Variants in ARL15 observed in about 807,000 individuals in gnomAD.
ARL15 encodes ADP-ribosylation factor-like protein 15.
Under a neutral mutation model 25.2 loss-of-function variants are expected in ARL15, and 19 were observed. The ratio of observed to expected loss-of-function variants is 0.75; its 90% CI spans 0.53 to 1.10. The LOEUF (loss-of-function observed/expected upper bound fraction) is 1.10, where lower values mean the gene tolerates loss of function less well. ARL15 is among the 50% of genes least tolerant of loss of function. The pLI, the probability that ARL15 is intolerant of heterozygous loss-of-function variation, is 0.00. For synonymous variants in ARL15, 94 were observed against 86.8 expected (o/e 1.08, Z -0.46); for missense variants, 220 against 246.0 (o/e 0.89, Z 0.71).
At chr5:54,278,404 T>A (rs1757975390) in intron 1 of ARL15, among the ~76,000 whole-genome samples, 1 of 152,210 alleles carries the variant, frequency 6.6e-6, no homozygotes, top group South Asian at 2.1e-4. Context: ...TTACGTCCCC[T>A]CCTTCCTCCT....
At chr5:53,946,526 A>C (rs1746740403) in intron 4 of ARL15, among the ~76,000 whole-genome samples, 1 of 152,034 alleles carries the variant, frequency 6.6e-6, no homozygotes, top group African/African-American at 2.4e-5. Flanking sequence ...AATGGAATAA[A>C]CTTAAAATCG....
intron 4 of ARL15, among the ~76,000 whole-genome samples, chr5:53,997,111 C>T (rs1219638759): frequency 1.3e-5 from 2 of 152,106 alleles, no homozygotes; most frequent in Admixed American, 6.5e-5. Context: ...AAATGCAATT[C>T]GTTTGCTGAA....
intron 3 of ARL15, among the ~76,000 whole-genome samples, chr5:54,142,679 G>A (rs977534342): frequency 2.0e-5 from 3 of 151,906 alleles, no homozygotes; most frequent in East Asian, 1.9e-4. Flanking sequence ...GGAGGCCAAC[G>A]TGTTCCATGC....
intron 1 of ARL15, among the ~76,000 whole-genome samples, chr5:54,263,536 T>C (rs2112627498): frequency 6.6e-6 from 1 of 152,272 alleles, no homozygotes; most frequent in East Asian, 1.9e-4. Flanking sequence ...TCCCAGCCCA[T>C]TATTGTCTAT....
At position 54,025,295 on chromosome 5, in the gene ARL15, A is replaced by AC. The variant is rs1328124788; in HGVS notation, c.462+87906_462+87907insG. ...CAGAGAGACAAAGGGACCAAAAAAA[A>AC]AAAAAAAAAAAAGCAAACAACAGTC... On this transcript the variant is annotated intron_variant, in intron 4 of 4. Coordinates refer to ENST00000504924, the MANE Select transcript of ARL15 (RefSeq NM_019087.3). 5.0e-4 allele frequency among the ~76,000 whole-genome samples: 75 copies of AC among 151,144 alleles called. No homozygotes were observed. The South Asian group carries it at 0.012, about 24-fold the overall frequency.
chr5:54,130,187 A>G (rs1400535413), intron 3 of ARL15, among the ~76,000 whole-genome samples: 2 of 152,210 alleles, frequency 1.3e-5, no homozygotes, highest in African/African-American at 4.8e-5. Context: ...GCAGCGAGCC[A>G]TGACTGCACC....
At chr5:54,227,285 C>T (rs1344033035) in intron 1 of ARL15, among the ~76,000 whole-genome samples, 1 of 152,196 alleles carries the variant, frequency 6.6e-6, no homozygotes, top group Non-Finnish European at 1.5e-5. Flanking sequence ...AGGATCCCTA[C>T]ACAGCTTGCT....
At chr5:54,224,803 T>A (rs1030137412) in intron 1 of ARL15, among the ~76,000 whole-genome samples, 6 of 151,998 alleles carry the variant, frequency 3.9e-5, no homozygotes, top group Non-Finnish European at 7.4e-5. Context: ...GCCAATGTTT[T>A]AAAAAAAATA....
chr5:54,224,187 T>A (rs1222227834), intron 1 of ARL15, among the ~76,000 whole-genome samples: 1 of 152,128 alleles, frequency 6.6e-6, no homozygotes, highest in Non-Finnish European at 1.5e-5. Flanking sequence ...CCAGAGGATA[T>A]GTGGGCTGAA....
At chr5:54,100,180 T>C (rs1014425279) in intron 4 of ARL15, among the ~76,000 whole-genome samples, 1 of 152,122 alleles carries the variant, frequency 6.6e-6, no homozygotes, top group African/African-American at 2.4e-5. Flanking sequence ...ACATATAAAT[T>C]TTTATCACAC....
intron 4 of ARL15, among the ~76,000 whole-genome samples, chr5:53,887,801 G>GA (rs559013995): frequency 1.3e-5 from 2 of 151,838 alleles, no homozygotes; most frequent in Non-Finnish European, 2.9e-5. Flanking sequence ...ACTTGACCTA[G>GA]AAAAAAAAGT....
chr5:54,032,870 T>C (rs1216723281), intron 4 of ARL15, among the ~76,000 whole-genome samples: 2 of 152,184 alleles, frequency 1.3e-5, no homozygotes. Flanking sequence ...TTAATTGTAA[T>C]CTATTTCCTG....
intron 1 of ARL15, among the ~76,000 whole-genome samples, chr5:54,216,652 C>G (rs1302333228): frequency 2.0e-5 from 3 of 152,122 alleles, no homozygotes; most frequent in African/African-American, 7.2e-5. Context: ...CACACACACA[C>G]ACCTAATTAA....
At chr5:54,200,817 A>T (rs1288152615) in intron 1 of ARL15, among the ~76,000 whole-genome samples, 3 of 152,194 alleles carry the variant, frequency 2.0e-5, no homozygotes, top group Non-Finnish European at 4.4e-5. Context: ...ATACTCTATC[A>T]CAGATAGGCG....
intron 4 of ARL15, among the ~76,000 whole-genome samples, chr5:54,044,259 T>G (rs1273571292): frequency 6.7e-6 from 1 of 148,450 alleles, no homozygotes; most frequent in Non-Finnish European, 1.5e-5. Flanking sequence ...TTTTTTTTTT[T>G]TTGAGACAGA....
At chr5:54,222,692 A>G (rs900813882) in intron 1 of ARL15, among the ~76,000 whole-genome samples, 4 of 152,214 alleles carry the variant, frequency 2.6e-5, no homozygotes, top group African/African-American at 9.6e-5. Flanking sequence ...TGATCTTCCC[A>G]GGGTGGAGGA....
intron 1 of ARL15, among the ~76,000 whole-genome samples, chr5:54,303,309 G>A (rs1220569665): frequency 6.6e-6 from 1 of 152,108 alleles, no homozygotes; most frequent in East Asian, 1.9e-4. Context: ...ATCATTTGAG[G>A]TCAGGAGATT....
chr5:54,078,793 A>T (rs1188637288), intron 4 of ARL15, among the ~76,000 whole-genome samples: 1 of 152,202 alleles, frequency 6.6e-6, no homozygotes, highest in Non-Finnish European at 1.5e-5. Context: ...ATATAAGCTA[A>T]CTCACTATCC....
intron 4 of ARL15, among the ~76,000 whole-genome samples, chr5:53,968,323 T>A (rs1327361111): frequency 6.6e-6 from 1 of 152,156 alleles, no homozygotes; most frequent in Non-Finnish European, 1.5e-5. Flanking sequence ...TATAATTATC[T>A]AAGACCTAAC....
Sources: gnomAD v4.1 joint callset for allele counts (sites outside exome capture counted in the v4.1 genomes callset) on GRCh38, gnomAD v4.1.1 for gene constraint, MANE v1.5 for transcripts, NCBI Gene and HGNC (gene_info 2026-07-23, HGNC 2026-07-21) for gene names.